SELENOS: variants seen among roughly 807,000 people sequenced by gnomAD.
The protein encoded by SELENOS is selenoprotein S, also known as VCP interacting membrane selenoprotein.
SELENOS carries 37 observed loss-of-function variants against 30.2 expected under a neutral mutation model. That is an observed-to-expected ratio of 1.23 (90% CI 0.94 to 1.61). The LOEUF is 1.61. Among genes scored for constraint, SELENOS ranks in the 40% most tolerant of loss-of-function variants. The pLI is 0.00. For missense variants in SELENOS, 289 were observed against 231.8 expected (o/e 1.25, Z -1.60); for synonymous variants, 119 against 91.6 (o/e 1.30, Z -1.71).
intron 1 of SELENOS, chr15:101,276,890 G>A (rs1567120367): frequency 5.2e-6 from 3 of 578,082 alleles, no homozygotes; most frequent in African/African-American, 1.9e-5. Context: ...CATCTGGGGA[G>A]TCGGGGGCAG....
chr15:101,274,313 A>G, intron 5 of SELENOS, 107 bp downstream of exon 5: 1 of 1,274,516 alleles, frequency 7.8e-7, no homozygotes, highest in East Asian at 2.5e-5. Context: ...ATCCTAAGGA[A>G]TTAGTCTTAA....
intron 2 of SELENOS, among the ~76,000 whole-genome samples, chr15:101,275,632 G>A (rs937246047): frequency 1.3e-5 from 2 of 152,096 alleles, no homozygotes; most frequent in Non-Finnish European, 2.9e-5. Context: ...GAGCAATTCC[G>A]ATTCATAAAG....
In SELENOS at chr15:101,272,724, G is replaced by A. The variant is rs1463089558; in HGVS notation, c.*47C>T. On this transcript the variant is annotated 3_prime_UTR_variant, in exon 6 of 6. Transcript: ENST00000526049. ...CGTGCGTAAGGCAATTGAATCGAGG[G>A]TTAAGGGTTCATCTTGCTAATGTCA... The A allele has an allele frequency of 9.7e-6, 15 of 1,552,802 alleles. No homozygotes were observed. The highest frequency in any genetic ancestry group is 3.3e-4 in the Middle Eastern group (2 of 5,986).
chr15:101,275,270 CT>C lies in SELENOS; in HGVS notation c.302del (p.Lys101ArgfsTer4). The part of the protein sequence containing the change: ...EELNAQVEKH[K>X]EKLKQLEEEK... The stretch of plus-strand genomic sequence containing the variant: ...CAGTTCATACTTGTTTCAGTTTTTC[CT>C]TATGCTTTTCAACTTGCGCATTTAG... On this transcript the variant is annotated frameshift_variant, in exon 3 of 6. Coordinates refer to ENST00000526049, the MANE Select transcript of SELENOS (RefSeq NM_018445.6). LOFTEE classifies it high-confidence loss of function. 2 of 1,560,052 alleles carry C rather than the reference CT, an allele frequency of 1.3e-6. No homozygotes were observed. Among genetic ancestry groups the C allele is most frequent in the Non-Finnish European group, 1.7e-6 (2 of 1,152,322 alleles).
At chr15:101,277,039 G>C (rs893062420) in intron 1 of SELENOS, 2 of 593,496 alleles carry the variant, frequency 3.4e-6, no homozygotes, top group Non-Finnish European at 6.1e-6. Flanking sequence ...GGGCTGTGTG[G>C]GACGGGTCCC....
At chr15:101,276,765 G>A (rs1596466640) in intron 1 of SELENOS, 90 bp from the exon 2 acceptor site, 5 of 1,464,772 alleles carry the variant, frequency 3.4e-6, no homozygotes, top group Non-Finnish European at 4.6e-6. Flanking sequence ...TGTAACTCCT[G>A]CCCTCAAAGC....
Position 101,275,264 on chromosome 15 carries a change from T to C in SELENOS, c.309A>G (p.Lys103=), listed in dbSNP as rs371871361. The part of the protein sequence containing the change: ...LNAQVEKHKE[K]LKQLEEEKRR... ...TGAAACCAGTTCATACTTGTTTCAG[T>C]TTTTCCTTATGCTTTTCAACTTGCG... The change falls in exon 3 of 6, where the codon AAA becomes AAG. Residue 103 remains lysine, a synonymous_variant. Coordinates refer to ENST00000526049, the MANE Select transcript of SELENOS (RefSeq NM_018445.6). 6.4e-7 allele frequency: 1 copy of C among 1,554,948 alleles called. No individual in the cohort carries two copies.
At position 101,275,247 on chromosome 15, in the gene SELENOS, G is replaced by A. The variant is rs1187534408; in HGVS notation, c.318+8C>T. The A allele has an allele frequency of 1.3e-6, 2 of 1,540,124 alleles. No individual in the cohort carries two copies. The highest frequency in any genetic ancestry group is 4.3e-5 in the Admixed American group (2 of 46,542). On this transcript the variant is annotated splice_region_variant and intron_variant, in intron 3 of 5. Coordinates refer to ENST00000526049, the MANE Select transcript of SELENOS (RefSeq NM_018445.6). ...TATGCACACATTCAAACTGAAACCA[G>A]TTCATACTTGTTTCAGTTTTTCCTT...
Position 101,276,638 on chromosome 15 carries a change from G to C in SELENOS, c.114C>G (p.Val38=), listed in dbSNP as rs2039330978. The C allele has an allele frequency of 2.5e-6, 4 of 1,613,668 alleles. No individual in the cohort carries two copies. The highest frequency in any genetic ancestry group is 3.4e-6 in the Non-Finnish European group (4 of 1,179,810). ...SLLATYGWYI[V]FSCILLYVVF... is the part of the protein sequence containing the mutation. ...CCACGTAGAGAAGGATGCAGCTGAA[G>C]ACGATGTACCAGCCATAGGTGGCCA... Residue 38 remains valine, a synonymous_variant, in exon 2 of 6, where the codon GTC becomes GTG. Coordinates refer to ENST00000526049, the MANE Select transcript of SELENOS (RefSeq NM_018445.6).
intron 2 of SELENOS, among the ~76,000 whole-genome samples, chr15:101,275,775 C>A (rs190512851): frequency 6.6e-5 from 10 of 152,090 alleles, no homozygotes; most frequent in African/African-American, 1.9e-4. Flanking sequence ...CCTTAATTAG[C>A]GCAGAAGATT....
In SELENOS at chr15:101,272,982, C is replaced by CA. The variant is rs1348055762; in HGVS notation, c.485-127dup. 8 of 678,120 alleles carry CA rather than the reference C, an allele frequency of 1.2e-5. No individual in the cohort carries two copies. In the East Asian group the frequency reaches 2.6e-4, roughly 22 times the overall value. 42.0% of individuals were successfully genotyped at this position (678,120 alleles called of 1,614,324 possible). A position where few individuals can be genotyped will look rare whatever the true frequency, so the allele number is the denominator to read the frequency against. On this transcript the variant is annotated intron_variant, in intron 5 of 5. Coordinates refer to ENST00000526049, the MANE Select transcript of SELENOS (RefSeq NM_018445.6). ...CTGCAAAGATACAGATCCTAAGGGACATTTAAAAAAACCTTTTAGCTATGT... is the reference window on the plus strand; with the variant it reads ...CTGCAAAGATACAGATCCTAAGGGACAATTTAAAAAAACCTTTTAGCTATGT...
chr15:101,272,650 T>C lies in SELENOS; in HGVS notation c.*121A>G. On this transcript the variant is annotated 3_prime_UTR_variant, in exon 6 of 6. Transcript: ENST00000526049. ...GAGCCCTGACATATGCAGGTGTAGT[T>C]AGGAACAGAAATCAACCCCACCTCC... is the stretch of plus-strand genomic sequence containing the variant. 9.8e-7 allele frequency: 1 copy of C among 1,016,342 alleles called. No individual in the cohort carries two copies. The highest frequency in any genetic ancestry group is 1.5e-6 in the Non-Finnish European group (1 of 674,416). 63.0% of individuals were successfully genotyped at this position (1,016,342 alleles called of 1,614,324 possible).
chr15:101,275,468 A>G, intron 2 of SELENOS, 107 bp from the exon 3 acceptor site: 1 of 895,532 alleles, frequency 1.1e-6, no homozygotes, highest in Admixed American at 3.7e-5. Context: ...ATATCAGACA[A>G]TGAAACAACA....
chr15:101,274,776 T>C (rs1362257555), intron 3 of SELENOS, 95 bp from the exon 4 acceptor site: 11 of 1,293,716 alleles, frequency 8.5e-6, no homozygotes, highest in Non-Finnish European at 1.1e-5. Flanking sequence ...TAAATGTCTT[T>C]CAGAACAAAC....
At chr15:101,270,823 C>T (rs2039259328), downstream of SELENOS, 5 of 152,166 alleles carry the variant, frequency 3.3e-5, no homozygotes, top group Admixed American at 3.3e-4. Context: ...GTGGTAAGTG[C>T]TCTTCAAATG....
downstream of SELENOS, chr15:101,272,163 TAATA>T (rs1334885107): frequency 2.0e-5 from 3 of 152,234 alleles, no homozygotes; most frequent in Non-Finnish European, 2.9e-5. Context: ...GGGTGAGTAA[TAATA>T]AATAGAGAAA....
Position 101,272,759 on chromosome 15 carries a change from C to G in SELENOS, c.*12G>C. On this transcript the variant is annotated 3_prime_UTR_variant, in exon 6 of 6. Coordinates refer to ENST00000526049, the MANE Select transcript of SELENOS (RefSeq NM_018445.6). ...CATCTTGCTAATGTCAAAAGTGACA[C>G]TAACAAGATTCTTAGCCTCATCCGC... The G allele has an allele frequency of 6.2e-7, 1 of 1,600,750 alleles. No individual in the cohort carries two copies. Among genetic ancestry groups the G allele is most frequent in the Middle Eastern group, 1.7e-4 (1 of 6,050 alleles).
intron 5 of SELENOS, among the ~76,000 whole-genome samples, chr15:101,273,580 A>G (rs920909671): frequency 6.6e-6 from 1 of 152,144 alleles, no homozygotes; most frequent in Non-Finnish European, 1.5e-5. Flanking sequence ...CCTCTCCTAA[A>G]TATCACCTCT....
chr15:101,277,473 C>G lies in SELENOS; in HGVS notation c.-56G>C. 7 of 1,390,714 alleles carry G rather than the reference C, an allele frequency of 5.0e-6. No homozygotes were observed. The highest frequency in any genetic ancestry group is 5.5e-6 in the Non-Finnish European group (6 of 1,083,446). The allele number at this position is 1,390,714 out of a possible 1,614,324, so 86.1% of individuals were successfully genotyped here. On this transcript the variant is annotated 5_prime_UTR_variant, in exon 1 of 6. Transcript: ENST00000526049. ...CCGCCGCGCCTCCAGCCGGGCGCTT[C>G]CGGTGCGCTCCTACGCACACGTGGC...
Sources: allele counts gnomAD v4.1 joint callset (sites outside exome capture counted in the v4.1 genomes callset), GRCh38; gene constraint gnomAD v4.1.1; transcripts MANE v1.5; gene names NCBI Gene and HGNC (gene_info 2026-07-23, HGNC 2026-07-21).